CPPED1: variants seen among roughly 807,000 people sequenced by gnomAD.
CPPED1 encodes the protein serine/threonine-protein phosphatase CPPED1.
Under a neutral mutation model 28.0 loss-of-function variants are expected in CPPED1, and 28 were observed. The ratio of observed to expected loss-of-function variants is 1.00; its 90% CI spans 0.74 to 1.37. CPPED1 has a LOEUF of 1.37. Among genes scored for constraint, CPPED1 ranks in the 40% most tolerant of loss-of-function variants. CPPED1 has a pLI of 0.00. For missense variants in CPPED1, 504 were observed against 416.5 expected (o/e 1.21, Z -1.83); for synonymous variants, 198 against 180.2 (o/e 1.10, Z -0.79).
intron 2 of CPPED1, among the ~76,000 whole-genome samples, chr16:12,775,695 C>T (rs2080493736): frequency 6.6e-6 from 1 of 152,156 alleles, no homozygotes; most frequent in Admixed American, 6.5e-5. Flanking sequence ...CTCTGGGCAC[C>T]ACCTTCTGTC....
At chr16:12,769,724 G>A (rs984756799) in intron 2 of CPPED1, among the ~76,000 whole-genome samples, 1 of 152,148 alleles carries the variant, frequency 6.6e-6, no homozygotes, top group African/African-American at 2.4e-5. Flanking sequence ...TTACTGCTCA[G>A]CATTCGACCC....
intron 1 of CPPED1, among the ~76,000 whole-genome samples, chr16:12,783,414 A>G (rs559293050): frequency 1.7e-4 from 26 of 152,066 alleles, no homozygotes; most frequent in African/African-American, 6.0e-4. Context: ...TGAGAGGAAT[A>G]CTTTAACCTG....
In CPPED1 at chr16:12,704,639, T is replaced by C. The variant is rs1448062229; in HGVS notation, c.700A>G (p.Lys234Glu). 14 of 1,610,324 alleles carry C rather than the reference T, an allele frequency of 8.7e-6. No homozygotes were observed. Among genetic ancestry groups the C allele is most frequent in the Non-Finnish European group, 1.2e-5 (14 of 1,177,052 alleles). ...GGGCCTCTACCTGCGTGGATGAACTTGTCTGCCAACTTCTTCCGAGTGGAC... is the reference window on the plus strand; with the variant it reads ...GGGCCTCTACCTGCGTGGATGAACTCGTCTGCCAACTTCTTCCGAGTGGAC... ...SKSTRKKLAD[K>E]FIHAGVKVVF... Residue 234 changes from lysine (K) to glutamate (E), a missense_variant, in exon 3 of 4, where the codon AAG becomes GAG. Lys to Glu is a moderately conservative substitution (Grantham distance 56). Coordinates refer to ENST00000381774, the MANE Select transcript of CPPED1 (RefSeq NM_018340.3).
chr16:12,719,043 A>T (rs1201185639), intron 2 of CPPED1, among the ~76,000 whole-genome samples: 1 of 152,128 alleles, frequency 6.6e-6, no homozygotes, highest in Non-Finnish European at 1.5e-5. Flanking sequence ...CATGTCTTAC[A>T]TGGCGGCAGG....
intron 2 of CPPED1, among the ~76,000 whole-genome samples, chr16:12,718,222 T>A: frequency 6.6e-6 from 1 of 152,200 alleles, no homozygotes; most frequent in Non-Finnish European, 1.5e-5. Context: ...TGATGTGATA[T>A]CTATCACACT....
At chr16:12,697,344 G>A (rs1284676088) in intron 3 of CPPED1, among the ~76,000 whole-genome samples, 1 of 151,156 alleles carries the variant, frequency 6.6e-6, no homozygotes, top group African/African-American at 2.4e-5. Flanking sequence ...CCAATTATTA[G>A]ACATCTTACA....
At chr16:12,687,600 A>G (rs2079940015) in intron 3 of CPPED1, among the ~76,000 whole-genome samples, 1 of 152,164 alleles carries the variant, frequency 6.6e-6, no homozygotes, top group African/African-American at 2.4e-5. Context: ...GTGAAACCCC[A>G]TCTCTACTAA....
At chr16:12,695,479 T>C (rs1014467826) in intron 3 of CPPED1, among the ~76,000 whole-genome samples, 1 of 152,124 alleles carries the variant, frequency 6.6e-6, no homozygotes, top group Non-Finnish European at 1.5e-5. Flanking sequence ...CTATGTTGCC[T>C]GGGCTAGTCT....
chr16:12,802,303 A>G (rs1255446330), intron 1 of CPPED1, among the ~76,000 whole-genome samples: 1 of 152,162 alleles, frequency 6.6e-6, no homozygotes, highest in Non-Finnish European at 1.5e-5. Flanking sequence ...AAGGTCCATT[A>G]AAATACAGTC....
rs570547836 is a variant in CPPED1 at position 12,740,812 on chromosome 16, T to C, written c.290-35763A>G. 2.6e-5 allele frequency among the ~76,000 whole-genome samples: 4 copies of C among 152,228 alleles called. No homozygotes were observed. The South Asian group carries it at 8.3e-4, about 32-fold the overall frequency. On this transcript the variant is annotated intron_variant, in intron 2 of 3. Coordinates refer to ENST00000381774, the MANE Select transcript of CPPED1 (RefSeq NM_018340.3). ...GAAAGGAGAGCACAGAGTGTGAGAA[T>C]CTGTCAGAAGGTTAGAAAGCCCCTG...
chr16:12,723,072 C>G lies in CPPED1; in HGVS notation c.290-18023G>C, dbSNP rs982166590. 2.0e-5 allele frequency among the ~76,000 whole-genome samples: 3 copies of G among 152,120 alleles called. No homozygotes were observed. The South Asian group carries it at 6.2e-4, about 32-fold the overall frequency. ...GGCTTTCTGATGAGAACAGGAGGGT[C>G]GGCAACGTCTCCACCCGGCTCCCAT... On this transcript the variant is annotated intron_variant, in intron 2 of 3. Coordinates refer to ENST00000381774, the MANE Select transcript of CPPED1 (RefSeq NM_018340.3).
At chr16:12,794,594 G>C (rs1407925021) in intron 1 of CPPED1, among the ~76,000 whole-genome samples, 2 of 151,908 alleles carry the variant, frequency 1.3e-5, no homozygotes, top group Non-Finnish European at 2.9e-5. Flanking sequence ...ACTTTTTTCA[G>C]ATTTTGGAAC....
chr16:12,747,411 G>A (rs991633951), intron 2 of CPPED1, among the ~76,000 whole-genome samples: 6 of 150,144 alleles, frequency 4.0e-5, no homozygotes, highest in South Asian at 2.1e-4. Context: ...CAGCCTGGAC[G>A]AAAAGGGGGA....
At chr16:12,795,890 C>T (rs1049023500) in intron 1 of CPPED1, among the ~76,000 whole-genome samples, 1 of 152,070 alleles carries the variant, frequency 6.6e-6, no homozygotes, top group Admixed American at 6.6e-5. Context: ...TCAAGACCAG[C>T]CTGGCCAACA....
intron 2 of CPPED1, among the ~76,000 whole-genome samples, chr16:12,757,155 G>A: frequency 6.6e-6 from 1 of 151,998 alleles, no homozygotes; most frequent in Non-Finnish European, 1.5e-5. Flanking sequence ...ATAGCACCTC[G>A]AGGGTGACCA....
chr16:12,679,134 G>A (rs935272331), intron 3 of CPPED1, among the ~76,000 whole-genome samples: 5 of 152,182 alleles, frequency 3.3e-5, no homozygotes, highest in Admixed American at 6.5e-5. Context: ...CTCCTCAGGA[G>A]GACCTAAAGT....
chr16:12,730,502 C>A (rs2080191747), intron 2 of CPPED1, among the ~76,000 whole-genome samples: 1 of 152,072 alleles, frequency 6.6e-6, no homozygotes, highest in Admixed American at 6.6e-5. Context: ...ATGCTCTTGG[C>A]AGCTTTATTC....
intron 3 of CPPED1, among the ~76,000 whole-genome samples, chr16:12,696,493 T>C (rs1263061212): frequency 1.3e-5 from 2 of 148,326 alleles, no homozygotes; most frequent in African/African-American, 2.5e-5. Flanking sequence ...CAGGGTGGAA[T>C]GCAGTGGCGT....
At chr16:12,747,625 C>A (rs1230306757) in intron 2 of CPPED1, among the ~76,000 whole-genome samples, 1 of 151,944 alleles carries the variant, frequency 6.6e-6, no homozygotes, top group Non-Finnish European at 1.5e-5. Flanking sequence ...GCCCATGTTG[C>A]CTGTCTGGTC....
Sources: gnomAD v4.1 joint callset for allele counts (sites outside exome capture counted in the v4.1 genomes callset) on GRCh38, gnomAD v4.1.1 for gene constraint, MANE v1.5 for transcripts, NCBI Gene and HGNC (gene_info 2026-07-23, HGNC 2026-07-21) for gene names.